The following DRD3 variants were observed in gnomAD, a reference collection of about 807,000 sequenced individuals.
The protein encoded by DRD3 is D(3) dopamine receptor.
A neutral mutation model predicts 36.3 loss-of-function variants in DRD3; 19 were observed. That is an observed-to-expected ratio of 0.52 (90% confidence interval 0.36 to 0.77). The LOEUF (loss-of-function observed/expected upper bound fraction) is 0.77, where lower values mean the gene tolerates loss of function less well. DRD3 is among the 30% of genes least tolerant of loss of function. DRD3 has a pLI of 0.00. For synonymous variants in DRD3, 195 were observed against 203.7 expected (o/e 0.96, Z 0.36); for missense variants, 465 against 505.3 (o/e 0.92, Z 0.77).
At chr3:114,150,244 T>G (rs2077604972) in intron 3 of DRD3, among the ~76,000 whole-genome samples, 2 of 152,228 alleles carry the variant, frequency 1.3e-5, no homozygotes, top group South Asian at 4.1e-4. Flanking sequence ...GTTCAATTAA[T>G]CATTCCTTCT....
At chr3:114,188,477 G>A (rs567647666) in intron 1 of DRD3, among the ~76,000 whole-genome samples, 3 of 152,304 alleles carry the variant, frequency 2.0e-5, no homozygotes, top group East Asian at 3.9e-4. Context: ...CTCCTAAAGT[G>A]CTGGGATTAC....
At chr3:114,164,556 C>T (rs1336211673) in intron 2 of DRD3, among the ~76,000 whole-genome samples, 2 of 152,064 alleles carry the variant, frequency 1.3e-5, no homozygotes, top group Admixed American at 1.3e-4. Context: ...GATTCTTAGG[C>T]CTCGCTCAGA....
chr3:114,189,761 C>G (rs551141486), intron 1 of DRD3, among the ~76,000 whole-genome samples: 1 of 152,162 alleles, frequency 6.6e-6, no homozygotes, highest in Non-Finnish European at 1.5e-5. Flanking sequence ...TGTCTTGCCC[C>G]GAAGGGCTTT....
intron 3 of DRD3, among the ~76,000 whole-genome samples, chr3:114,152,759 C>T (rs1405959546): frequency 6.6e-6 from 1 of 152,238 alleles, no homozygotes; most frequent in Non-Finnish European, 1.5e-5. Flanking sequence ...CATTCCCACC[C>T]AGGCCGACCG....
At chr3:114,139,239 G>C (rs772870905) in intron 5 of DRD3, among the ~76,000 whole-genome samples, 17 of 152,222 alleles carry the variant, frequency 1.1e-4, no homozygotes, top group South Asian at 4.1e-4. Context: ...GAAAATGAAA[G>C]ACTTTGAAGG....
chr3:114,162,607 G>A (rs984522792), intron 2 of DRD3, among the ~76,000 whole-genome samples: 5 of 152,174 alleles, frequency 3.3e-5, no homozygotes, highest in Admixed American at 6.5e-5. Context: ...CTCTATTGCC[G>A]ATTATAATTC....
chr3:114,151,668 C>T, intron 3 of DRD3, among the ~76,000 whole-genome samples: 1 of 152,094 alleles, frequency 6.6e-6, no homozygotes, highest in Middle Eastern at 3.2e-3. Flanking sequence ...AGTGGGCCAA[C>T]AAGTGTAGGG....
chr3:114,159,293 C>T (rs1043046614), intron 3 of DRD3, among the ~76,000 whole-genome samples: 1 of 151,820 alleles, frequency 6.6e-6, no homozygotes, highest in African/African-American at 2.4e-5. Flanking sequence ...CCTCTCTCCC[C>T]CTCAAAAATT....
chr3:114,133,153 C>G (rs144981428), intron 5 of DRD3, among the ~76,000 whole-genome samples: 1,986 of 151,958 alleles, frequency 0.013, 36 homozygotes, highest in African/African-American at 0.043. Context: ...ACCACGCCTG[C>G]CTAATTTTGT....
chr3:114,156,994 TTCTCTC>T, intron 3 of DRD3, among the ~76,000 whole-genome samples: 1 of 147,096 alleles, frequency 6.8e-6, no homozygotes, highest in East Asian at 2.0e-4. Context: ...CTTCCTTTCT[TTCTCTC>T]TCTCTCTCTC....
At chr3:114,187,099 G>A (rs1242836886) in intron 1 of DRD3, among the ~76,000 whole-genome samples, 2 of 152,224 alleles carry the variant, frequency 1.3e-5, no homozygotes, top group Non-Finnish European at 2.9e-5. Flanking sequence ...GAATAAGATG[G>A]AGGAGTAGTA....
chr3:114,185,637 T>A (rs569398617), intron 1 of DRD3, among the ~76,000 whole-genome samples: 1 of 151,450 alleles, frequency 6.6e-6, no homozygotes, highest in Non-Finnish European at 1.5e-5. Flanking sequence ...AAAAAAAAAA[T>A]TGAATGTGCC....
chr3:114,138,083 C>T (rs933301393), intron 5 of DRD3, among the ~76,000 whole-genome samples: 4 of 146,060 alleles, frequency 2.7e-5, no homozygotes, highest in Non-Finnish European at 4.5e-5. Context: ...GCACGAGAAT[C>T]GCTTGAACCC....
At chr3:114,150,656 C>T (rs1043513009) in intron 3 of DRD3, among the ~76,000 whole-genome samples, 1 of 152,172 alleles carries the variant, frequency 6.6e-6, no homozygotes. Context: ...CTGGATCTAC[C>T]AATGGCTCAA....
At chr3:114,165,015 T>G (rs185739591) in intron 2 of DRD3, among the ~76,000 whole-genome samples, 25 of 152,360 alleles carry the variant, frequency 1.6e-4, no homozygotes, top group Admixed American at 1.4e-3. Context: ...CCTCCCGAAG[T>G]GCTGAGATTA....
chr3:114,129,732 C>T (rs528659119), intron 6 of DRD3, among the ~76,000 whole-genome samples: 1 of 152,124 alleles, frequency 6.6e-6, no homozygotes, highest in East Asian at 1.9e-4. Flanking sequence ...TATAGCATAC[C>T]TGTGATTTAT....
chr3:114,176,440 TAAAAG>T (rs1308104084), intron 1 of DRD3, among the ~76,000 whole-genome samples: 1 of 151,836 alleles, frequency 6.6e-6, no homozygotes, highest in Non-Finnish European at 1.5e-5. Flanking sequence ...TTTGCAAAAA[TAAAAG>T]AAAAGAAAAA....
chr3:114,156,723 TTC>T (rs1341141790), intron 3 of DRD3, among the ~76,000 whole-genome samples: 7 of 8,736 alleles, frequency 8.0e-4, no homozygotes, highest in Non-Finnish European at 2.1e-3. Context: ...CTGTCTTTCT[TTC>T]TTTCTTTCTT....
chr3:114,167,403 G>A (rs1463330036), intron 2 of DRD3, among the ~76,000 whole-genome samples: 1 of 152,196 alleles, frequency 6.6e-6, no homozygotes, highest in East Asian at 1.9e-4. Flanking sequence ...AATCTTGAGA[G>A]GAAATCTGAG....
Sources: gnomAD v4.1 joint callset for allele counts (sites outside exome capture counted in the v4.1 genomes callset) on GRCh38, gnomAD v4.1.1 for gene constraint, MANE v1.5 for transcripts, NCBI Gene and HGNC (gene_info 2026-07-23, HGNC 2026-07-21) for gene names.